OSBPL2: variants seen among roughly 807,000 people sequenced by gnomAD.
OSBPL2 encodes oxysterol binding protein like 2, also known as oxysterol-binding protein-related protein 2.
Under a neutral mutation model 58.4 loss-of-function variants are expected in OSBPL2, and 18 were observed. That is an observed-to-expected ratio of 0.31 (90% CI 0.21 to 0.46). OSBPL2 has a LOEUF of 0.46. OSBPL2 is among the 20% of genes least tolerant of loss of function. OSBPL2 has a pLI of 1.00. For missense variants in OSBPL2, 461 were observed against 616.5 expected (o/e 0.75, Z 2.67); for synonymous variants, 221 against 234.1 (o/e 0.94, Z 0.51).
chr20:62,281,001 C>A, intron 7 of OSBPL2, 57 bp from the exon 8 acceptor site: 1 of 1,377,616 alleles, frequency 7.3e-7, no homozygotes, highest in South Asian at 1.2e-5. Flanking sequence ...CGTCTTGGGT[C>A]ACGTCGTGTC....
chr20:62,262,466 C>G (rs2145936642), intron 3 of OSBPL2, among the ~76,000 whole-genome samples: 1 of 152,380 alleles, frequency 6.6e-6, no homozygotes. Context: ...TCTGCAGAGC[C>G]ACTTTCCCCT....
intron 3 of OSBPL2, among the ~76,000 whole-genome samples, chr20:62,261,469 C>T (rs1183925198): frequency 6.6e-6 from 1 of 152,202 alleles, no homozygotes; most frequent in African/African-American, 2.4e-5. Context: ...TGGCCTCAGG[C>T]TCTCCTTCGA....
At chr20:62,286,825 C>T in intron 11 of OSBPL2, 114 bp downstream of exon 11, 1 of 1,276,988 alleles carries the variant, frequency 7.8e-7, no homozygotes, top group Non-Finnish European at 1.1e-6. Flanking sequence ...CTCGCCTCAG[C>T]CTGTTGTCCC....
chr20:62,267,348 G>A (rs1420900813), intron 4 of OSBPL2, among the ~76,000 whole-genome samples: 2 of 152,152 alleles, frequency 1.3e-5, no homozygotes, highest in African/African-American at 4.8e-5. Flanking sequence ...ATTGATTGCC[G>A]GGGATAGTTC....
intron 6 of OSBPL2, among the ~76,000 whole-genome samples, chr20:62,275,977 T>G (rs1326947519): frequency 6.6e-6 from 1 of 151,686 alleles, no homozygotes; most frequent in Non-Finnish European, 1.5e-5. Context: ...TGGCATGATC[T>G]CCACTCGCTG....
chr20:62,266,592 G>T (rs1423776097), intron 4 of OSBPL2, among the ~76,000 whole-genome samples: 1 of 151,792 alleles, frequency 6.6e-6, no homozygotes, highest in Non-Finnish European at 1.5e-5. Flanking sequence ...GCTCGTTCTG[G>T]ATCCGCAGTG....
intron 1 of OSBPL2, among the ~76,000 whole-genome samples, chr20:62,253,270 AGT>A (rs1980688773): frequency 6.6e-6 from 1 of 152,252 alleles, no homozygotes; most frequent in African/African-American, 2.4e-5. Flanking sequence ...GTGGCACAGC[AGT>A]GTGTGTAGGG....
chr20:62,250,782 G>A (rs1384930125), intron 1 of OSBPL2, among the ~76,000 whole-genome samples: 1 of 152,048 alleles, frequency 6.6e-6, no homozygotes, highest in African/African-American at 2.4e-5. Flanking sequence ...ACAATTAGCC[G>A]GGTATGATGG....
At chr20:62,249,404 A>G (rs1980374134) in intron 1 of OSBPL2, among the ~76,000 whole-genome samples, 1 of 152,160 alleles carries the variant, frequency 6.6e-6, no homozygotes, top group South Asian at 2.1e-4. Flanking sequence ...CTCTCTGGGG[A>G]TTGTTTTCTG....
chr20:62,266,245 G>A (rs1288964076), intron 4 of OSBPL2, among the ~76,000 whole-genome samples: 2 of 152,202 alleles, frequency 1.3e-5, no homozygotes, highest in Non-Finnish European at 2.9e-5. Context: ...ATGTGAGCAC[G>A]TAGGACTGGC....
chr20:62,281,227 G>A, intron 8 of OSBPL2, 62 bp downstream of exon 8: 1 of 1,217,692 alleles, frequency 8.2e-7, no homozygotes, highest in South Asian at 1.2e-5. Context: ...GCGAGCCGGG[G>A]AGCGTGAGCA....
At chr20:62,286,362 A>C in intron 10 of OSBPL2, 1 of 438,510 alleles carries the variant, frequency 2.3e-6, no homozygotes. Flanking sequence ...AGGCAGGAGA[A>C]TCTCTTGAAC....
intron 9 of OSBPL2, among the ~76,000 whole-genome samples, chr20:62,283,692 C>T (rs1982930444): frequency 6.6e-6 from 1 of 152,006 alleles, no homozygotes; most frequent in Admixed American, 6.5e-5. Flanking sequence ...TTTTTTGCCC[C>T]TTCCCGTCTC....
At chr20:62,291,609 T>G (rs1983513812) in intron 12 of OSBPL2, 94 bp from the exon 13 acceptor site, 1 of 1,025,118 alleles carries the variant, frequency 9.8e-7, no homozygotes, top group Non-Finnish European at 1.5e-6. Context: ...CCAGCCACAG[T>G]GAGACATGCC....
intron 6 of OSBPL2, among the ~76,000 whole-genome samples, chr20:62,276,584 C>A (rs534122291): frequency 1.3e-5 from 2 of 152,282 alleles, no homozygotes; most frequent in South Asian, 2.1e-4. Flanking sequence ...ACTGGGCAGC[C>A]GAGCACCTGT....
intron 7 of OSBPL2, 159 bp downstream of exon 7, chr20:62,279,498 A>T: frequency 1.4e-6 from 1 of 692,550 alleles, no homozygotes; most frequent in Non-Finnish European, 2.4e-6. Context: ...GAGCTTCCTG[A>T]CCAGGGTCCC....
At chr20:62,241,644 T>C (rs1979748016) in intron 1 of OSBPL2, among the ~76,000 whole-genome samples, 1 of 152,226 alleles carries the variant, frequency 6.6e-6, no homozygotes, top group Non-Finnish European at 1.5e-5. Flanking sequence ...GGGTCCTGGG[T>C]GGGTTCCCAC....
intron 1 of OSBPL2, among the ~76,000 whole-genome samples, chr20:62,252,323 T>G (rs949887814): frequency 6.6e-6 from 1 of 152,150 alleles, no homozygotes; most frequent in Non-Finnish European, 1.5e-5. Flanking sequence ...GTGAGAAGCC[T>G]TCCCTCTCCT....
At chr20:62,281,973 T>A in intron 9 of OSBPL2, 94 bp downstream of exon 9, 1 of 756,482 alleles carries the variant, frequency 1.3e-6, no homozygotes, top group African/African-American at 1.7e-5. Context: ...TGTGCCTACG[T>A]GCATGAGACG....
Sources: gnomAD v4.1 joint callset for allele counts (sites outside exome capture counted in the v4.1 genomes callset) on GRCh38, gnomAD v4.1.1 for gene constraint, MANE v1.5 for transcripts, NCBI Gene and HGNC (gene_info 2026-07-23, HGNC 2026-07-21) for gene names.